RIBC2: variants seen among roughly 807,000 people sequenced by gnomAD.
RIBC2 encodes RIB43A-like with coiled-coils protein 2.
RIBC2 carries 40 observed loss-of-function variants against 44.3 expected under a neutral mutation model. The ratio of observed to expected loss-of-function variants is 0.90; its 90% confidence interval spans 0.70 to 1.18. The LOEUF is 1.18. RIBC2 is among the 50% of genes most tolerant of loss of function. RIBC2 has a pLI of 0.00. For missense variants in RIBC2, 459 were observed against 485.5 expected (o/e 0.95, Z 0.51); for synonymous variants, 171 against 175.0 (o/e 0.98, Z 0.18).
intron 4 of RIBC2, among the ~76,000 whole-genome samples, chr22:45,424,799 C>T (rs973030522): frequency 1.4e-5 from 2 of 145,266 alleles, no homozygotes; most frequent in Admixed American, 7.1e-5. Context: ...TCTTGCCCAG[C>T]CTGGAGTGTG....
In RIBC2 at chr22:45,425,962, G is replaced by A. The variant is rs369526368; in HGVS notation, c.690G>A (p.Val230=). The part of the protein sequence containing the change: ...DFNKSQAIES[V]ERKKQEKKQE... ...CACCTGCTTAGGCCATCGAGTCAGTGGAAAGGAAAAAGCAAGAGAAAAAGC... is the reference window on the plus strand; with the variant it reads ...CACCTGCTTAGGCCATCGAGTCAGTAGAAAGGAAAAAGCAAGAGAAAAAGC... The change falls in exon 5 of 7, where the codon GTG becomes GTA. Residue 230 remains valine, a synonymous_variant. Transcript: ENST00000614167. 2.5e-6 allele frequency: 4 copies of A among 1,613,634 alleles called. No individual in the cohort carries two copies. The highest frequency in any genetic ancestry group is 3.4e-6 in the Non-Finnish European group (4 of 1,179,836).
chr22:45,417,845 A>G lies in RIBC2; in HGVS notation c.455A>G (p.Asn152Ser). The G allele has an allele frequency of 6.2e-7, 1 of 1,614,142 alleles. No homozygotes were observed. The highest frequency in any genetic ancestry group is 8.5e-7 in the Non-Finnish European group (1 of 1,179,994). Residue 152 changes from asparagine to serine, a missense_variant, in exon 3 of 7, where the codon AAC becomes AGC. Asn to Ser is a conservative substitution (Grantham distance 46). Transcript: ENST00000614167. ...CAGAAATTCATGGGAGAGGATTTAA[A>G]CTTCCATGAGAGGAAGAAATTCCAA... ...GMQKFMGEDL[N>S]FHERKKFQEE... is the part of the protein sequence containing the mutation.
intron 3 of RIBC2, among the ~76,000 whole-genome samples, chr22:45,420,311 C>T (rs1201888256): frequency 6.6e-6 from 1 of 152,218 alleles, no homozygotes; most frequent in Admixed American, 6.5e-5. Context: ...TCACCACTCT[C>T]CTCCAGGGCT....
At chr22:45,417,471 GGCC>G in intron 2 of RIBC2, 128 bp from the exon 3 acceptor site, 3 of 661,752 alleles carry the variant, frequency 4.5e-6, no homozygotes, top group South Asian at 4.8e-5. Context: ...GATGGTTGGA[GGCC>G]AGGAGACCAG....
intron 1 of RIBC2, 87 bp from the exon 2 acceptor site, chr22:45,414,235 G>C (rs1569205795): frequency 1.3e-6 from 2 of 1,504,182 alleles, no homozygotes; most frequent in Non-Finnish European, 1.8e-6. Flanking sequence ...CAGTGGGGCA[G>C]AGATTAAAAA....
chr22:45,420,703 C>G (rs1012631962), intron 3 of RIBC2, among the ~76,000 whole-genome samples: 1 of 152,212 alleles, frequency 6.6e-6, no homozygotes, highest in African/African-American at 2.4e-5. Context: ...TGACTCCAGG[C>G]CATCTCTGAC....
chr22:45,416,907 T>G (rs1179277282), intron 2 of RIBC2, among the ~76,000 whole-genome samples: 1 of 150,430 alleles, frequency 6.6e-6, no homozygotes, highest in Admixed American at 6.6e-5. Context: ...AGGTTTTTTT[T>G]TTTTTTTTTT....
intron 4 of RIBC2, chr22:45,422,634 A>T: frequency 1.9e-6 from 1 of 536,272 alleles, no homozygotes; most frequent in Non-Finnish European, 3.4e-6. Flanking sequence ...CAAACTAGCC[A>T]TGTAACCTGG....
At chr22:45,421,583 ATAATAATAATAGTATTAT>A (rs913983650) in intron 3 of RIBC2, among the ~76,000 whole-genome samples, 38 of 31,986 alleles carry the variant, frequency 1.2e-3, no homozygotes, top group Middle Eastern at 0.023. Flanking sequence ...AGTATTATTA[ATAATAATAATAGTATTAT>A]TAATAATAAT....
At chr22:45,427,992 C>G (rs570915020) in intron 5 of RIBC2, among the ~76,000 whole-genome samples, 4 of 152,218 alleles carry the variant, frequency 2.6e-5, no homozygotes, top group African/African-American at 4.8e-5. Flanking sequence ...CCAGCACCCC[C>G]CTTCTCACCA....
At chr22:45,422,248 C>T (rs763682339) in intron 3 of RIBC2, 42 bp from the exon 4 acceptor site, 1 of 1,468,294 alleles carries the variant, frequency 6.8e-7, no homozygotes, top group Non-Finnish European at 9.5e-7. Flanking sequence ...GGAAGGTGCT[C>T]CTGTGGCCAG....
intron 2 of RIBC2, among the ~76,000 whole-genome samples, chr22:45,416,408 C>A (rs1270754112): frequency 6.6e-6 from 1 of 152,014 alleles, no homozygotes; most frequent in Non-Finnish European, 1.5e-5. Flanking sequence ...AAAATTGTTT[C>A]GTTGTAAGTG....
At chr22:45,424,446 T>A (rs938432672) in intron 4 of RIBC2, among the ~76,000 whole-genome samples, 12 of 152,230 alleles carry the variant, frequency 7.9e-5, no homozygotes, top group Admixed American at 6.5e-4. Context: ...TGCGTCCATT[T>A]GATCATCTGC....
intron 5 of RIBC2, 108 bp from the exon 6 acceptor site, chr22:45,430,792 G>T (rs1480590498): frequency 1.5e-6 from 2 of 1,341,306 alleles, no homozygotes; most frequent in Non-Finnish European, 2.0e-6. Context: ...CGTCCTCTGA[G>T]CCTCAGTTTC....
intron 1 of RIBC2, 40 bp downstream of exon 1, chr22:45,414,055 T>G: frequency 6.5e-7 from 1 of 1,548,186 alleles, no homozygotes; most frequent in Non-Finnish European, 8.7e-7. Flanking sequence ...GAGCGGCAGA[T>G]GCGGGCGAGG....
Position 45,418,812 on chromosome 22 carries a change from A to G in RIBC2, c.556+866A>G, listed in dbSNP as rs118078775. Among the ~76,000 whole-genome samples, 79 of 152,026 alleles carry G rather than the reference A, an allele frequency of 5.2e-4. 2 individuals carry two copies. The East Asian group carries it at 0.015, about 28-fold the overall frequency. On this transcript the variant is annotated intron_variant, in intron 3 of 6. Coordinates refer to ENST00000614167, the MANE Select transcript of RIBC2 (RefSeq NM_015653.5). Reference sequence around the variant, plus strand: ...TACTCTCCATGAGTGATGTCTCCCCAGATCATCTTCTCCCATTCTTCTCCC... The same window carrying G: ...TACTCTCCATGAGTGATGTCTCCCCGGATCATCTTCTCCCATTCTTCTCCC...
At chr22:45,426,654 G>A (rs910774959) in intron 5 of RIBC2, among the ~76,000 whole-genome samples, 10 of 152,196 alleles carry the variant, frequency 6.6e-5, no homozygotes, top group Non-Finnish European at 1.2e-4. Context: ...TGACGGAGAC[G>A]GGGAACTCTG....
chr22:45,419,339 G>A lies in RIBC2; in HGVS notation c.556+1393G>A, dbSNP rs370698549. The stretch of plus-strand genomic sequence containing the variant: ...CATCCGTGACAGCTCCTTTCTTCTA[G>A]CTGCCCAGGCCCCAGCCCAGGTAAT... On this transcript the variant is annotated intron_variant, in intron 3 of 6. Transcript: ENST00000614167. Among the ~76,000 whole-genome samples, 72 of 152,046 alleles carry A rather than the reference G, an allele frequency of 4.7e-4. 1 individual carries two copies. The South Asian group carries it at 0.014, about 30-fold the overall frequency.
At position 45,432,313 on chromosome 22, in the gene RIBC2, A is replaced by G. The variant is rs2087588259; in HGVS notation, c.1100A>G (p.Asn367Ser). 2 of 1,599,876 alleles carry G rather than the reference A, an allele frequency of 1.3e-6. No individual in the cohort carries two copies. The highest frequency in any genetic ancestry group is 2.7e-5 in the African/African-American group (2 of 74,486). ...QKKYMNEVYT[N>S]QPTGDYFTQF... The stretch of plus-strand genomic sequence containing the variant: ...AAATATATGAATGAAGTCTATACAA[A>G]TCAACCCACGGGAGACTATTTCACA... Residue 367 changes from asparagine (N) to serine (S), a missense_variant, in exon 7 of 7, where the codon AAT (asparagine) becomes AGT (serine). By Grantham distance (46) the Asn-to-Ser change is conservative. Coordinates refer to ENST00000614167, the MANE Select transcript of RIBC2 (RefSeq NM_015653.5).
Sources: allele counts gnomAD v4.1 joint callset (sites outside exome capture counted in the v4.1 genomes callset), GRCh38; gene constraint gnomAD v4.1.1; transcripts MANE v1.5; gene names NCBI Gene and HGNC (gene_info 2026-07-23, HGNC 2026-07-21).